The following MCTP1 variants were observed in gnomAD, a reference collection of about 807,000 sequenced individuals.
MCTP1 encodes multiple C2 and transmembrane domain containing 1, also known as multiple C2 and transmembrane domain-containing protein 1.
In MCTP1, 69 loss-of-function variants were observed where a neutral mutation model predicts 120.6. The observed-to-expected ratio is 0.57, with a 90% CI of 0.47 to 0.70. MCTP1 has a LOEUF of 0.70. Among genes scored for constraint, MCTP1 ranks in the 30% least tolerant of loss-of-function variants. The pLI is 0.00. For synonymous variants in MCTP1, 529 were observed against 493.1 expected, an observed-to-expected ratio of 1.07 and a Z score of -0.96; for missense variants, 1,203 against 1,248.8, an observed-to-expected ratio of 0.96 and a Z score of 0.55.
At chr5:94,830,054 T>G (rs1052523775) in intron 17 of MCTP1, among the ~76,000 whole-genome samples, 1 of 152,234 alleles carries the variant, frequency 6.6e-6, no homozygotes, top group African/African-American at 2.4e-5. Flanking sequence ...TTCGGGATGT[T>G]TCATGTTAAT....
chr5:94,759,340 A>G (rs7711182), intron 19 of MCTP1, among the ~76,000 whole-genome samples: 2,472 of 152,306 alleles, frequency 0.016, 55 homozygotes, highest in African/African-American at 0.056. Flanking sequence ...ACCCCACCAG[A>G]TGCAGAAGCT....
chr5:94,911,382 C>T (rs1202116289), intron 9 of MCTP1, among the ~76,000 whole-genome samples: 5 of 152,182 alleles, frequency 3.3e-5, no homozygotes, highest in Non-Finnish European at 7.3e-5. Context: ...TCATATTGTA[C>T]TCCCCACATG....
Position 95,048,384 on chromosome 5 carries a change from G to A in MCTP1, c.721-30900C>T, listed in dbSNP as rs186402831. Among the ~76,000 whole-genome samples, 668 of 152,196 alleles carry A rather than the reference G, an allele frequency of 4.4e-3. 3 individuals are homozygous for A. Among genetic ancestry groups the A allele is most frequent in the South Asian group, 0.017 (80 of 4,822 alleles). Reference sequence around the variant, plus strand: ...GGATTATAATGTCAATTTGTCACTGGGATTAATTTCATAAAGAATTTATGC... The same window carrying A: ...GGATTATAATGTCAATTTGTCACTGAGATTAATTTCATAAAGAATTTATGC... On this transcript the variant is annotated intron_variant, in intron 1 of 22. Transcript: ENST00000515393.
intron 19 of MCTP1, among the ~76,000 whole-genome samples, chr5:94,721,706 T>A (rs192878081): frequency 5.9e-5 from 9 of 152,312 alleles, no homozygotes; most frequent in Admixed American, 1.3e-4. Context: ...CTTTTTTCAA[T>A]AATGTTCAAT....
At chr5:95,149,369 G>T (rs922940494) in intron 1 of MCTP1, among the ~76,000 whole-genome samples, 4 of 152,160 alleles carry the variant, frequency 2.6e-5, no homozygotes, top group African/African-American at 9.7e-5. Context: ...AAGGTGGCGA[G>T]TCTTGCCTGC....
intron 1 of MCTP1, among the ~76,000 whole-genome samples, chr5:95,154,614 T>C (rs897511613): frequency 1.3e-5 from 2 of 152,128 alleles, no homozygotes; most frequent in African/African-American, 2.4e-5. Flanking sequence ...CCAAGAAAAC[T>C]GAGGCTTTGT....
At chr5:95,069,815 C>T (rs1350708028) in intron 1 of MCTP1, among the ~76,000 whole-genome samples, 2 of 151,742 alleles carry the variant, frequency 1.3e-5, no homozygotes. Context: ...TCTCCTGCCT[C>T]AGCCTCCTGA....
At chr5:94,916,154 A>G (rs73776955) in intron 8 of MCTP1, among the ~76,000 whole-genome samples, 3,508 of 152,334 alleles carry the variant, frequency 0.023, 137 homozygotes, top group African/African-American at 0.078. Context: ...GAGCAACTGC[A>G]TAGTCATGAA....
rs1254393498 is a variant in MCTP1 at position 94,909,354 on chromosome 5, A to G, written c.1549T>C (p.Trp517Arg). The change falls in exon 10 of 23, where the codon TGG becomes CGG. Residue 517 changes from tryptophan (W) to arginine (R), a missense_variant. Trp to Arg is a moderately radical substitution (Grantham distance 101). Transcript: ENST00000515393. ...AGGTGAAAATCAAATTGTTCCCTCC[A>G]CTGAGGATTCAACGTTTTTGGCATA... ...KIMPKTLNPQWREQFDFHLYE... is the reference protein window; with the variant it reads ...KIMPKTLNPQRREQFDFHLYE... 6.3e-7 allele frequency: 1 copy of G among 1,597,286 alleles called. No individual in the cohort carries two copies. Among genetic ancestry groups the G allele is most frequent in the African/African-American group, 1.4e-5 (1 of 73,826 alleles).
intron 4 of MCTP1, 58 bp downstream of exon 4, chr5:94,942,290 G>T: frequency 7.7e-7 from 1 of 1,296,814 alleles, no homozygotes; most frequent in Non-Finnish European, 1.1e-6. Context: ...GACATTTTCT[G>T]TTACACAAGC....
intron 1 of MCTP1, among the ~76,000 whole-genome samples, chr5:95,283,559 T>C (rs939784022): frequency 6.6e-6 from 1 of 152,242 alleles, no homozygotes; most frequent in Non-Finnish European, 1.5e-5. Context: ...GACATCTCCT[T>C]TCAGGAGAAC....
intron 1 of MCTP1, among the ~76,000 whole-genome samples, chr5:95,220,370 C>T (rs1453065144): frequency 6.6e-6 from 1 of 150,954 alleles, no homozygotes; most frequent in Admixed American, 6.6e-5. Context: ...CCTTAGTCCG[C>T]TGGCCTCTAC....
chr5:94,770,934 C>T (rs569955475), intron 19 of MCTP1, among the ~76,000 whole-genome samples: 1 of 152,234 alleles, frequency 6.6e-6, no homozygotes, highest in Non-Finnish European at 1.5e-5. Context: ...TGTTTTCTTT[C>T]GCCAAGTCAG....
chr5:95,033,510 C>A (rs151115232), intron 1 of MCTP1, among the ~76,000 whole-genome samples: 2 of 152,000 alleles, frequency 1.3e-5, no homozygotes, highest in South Asian at 4.1e-4. Flanking sequence ...AGAAAAAGCA[C>A]GTCATAAAAT....
intron 1 of MCTP1, among the ~76,000 whole-genome samples, chr5:95,174,405 A>G (rs1389877228): frequency 1.3e-5 from 2 of 152,194 alleles, no homozygotes; most frequent in Non-Finnish European, 2.9e-5. Context: ...AAAGAATGAG[A>G]AATCAAAATG....
intron 10 of MCTP1, among the ~76,000 whole-genome samples, chr5:94,899,636 C>T (rs1480768625): frequency 6.6e-6 from 1 of 152,208 alleles, no homozygotes; most frequent in Non-Finnish European, 1.5e-5. Flanking sequence ...GTAGGGTGAA[C>T]TGTGATCAAT....
intron 18 of MCTP1, among the ~76,000 whole-genome samples, chr5:94,787,620 TTG>T (rs1225103313): frequency 1.3e-5 from 2 of 149,128 alleles, no homozygotes; most frequent in Non-Finnish European, 2.9e-5. Flanking sequence ...CTGTTTTTTT[TTG>T]TTTTTTTTTT....
chr5:95,181,243 C>T (rs1161098202), intron 1 of MCTP1, among the ~76,000 whole-genome samples: 1 of 152,224 alleles, frequency 6.6e-6, no homozygotes, highest in Non-Finnish European at 1.5e-5. Context: ...CCACAGCCTA[C>T]AAGGGCTCCT....
intron 19 of MCTP1, among the ~76,000 whole-genome samples, chr5:94,736,660 C>T (rs781751947): frequency 1.3e-5 from 2 of 152,126 alleles, no homozygotes; most frequent in Non-Finnish European, 2.9e-5. Context: ...CACATACATA[C>T]ACACACACCC....
Sources: gnomAD v4.1 joint callset for allele counts (sites outside exome capture counted in the v4.1 genomes callset) on GRCh38, gnomAD v4.1.1 for gene constraint, MANE v1.5 for transcripts, NCBI Gene and HGNC (gene_info 2026-07-23, HGNC 2026-07-21) for gene names.